The following NTM variants were observed in gnomAD, a reference collection of about 807,000 sequenced individuals.
NTM encodes the protein neurotrimin.
In NTM, 13 loss-of-function variants were observed where a neutral mutation model predicts 42.1. The ratio of observed to expected loss-of-function variants is 0.31; its 90% CI spans 0.20 to 0.49. The LOEUF (loss-of-function observed/expected upper bound fraction) is 0.49. NTM is among the 20% of genes least tolerant of loss of function. The pLI is 0.99. For missense variants in NTM, 373 were observed against 452.8 expected (o/e 0.82, Z 1.60); for synonymous variants, 187 against 179.2 (o/e 1.04, Z -0.35).
chr11:132,324,956 T>C (rs2095647669), intron 7 of NTM, among the ~76,000 whole-genome samples: 3 of 151,584 alleles, frequency 2.0e-5, no homozygotes, highest in South Asian at 4.2e-4. Context: ...CTGGGAAAAC[T>C]GGCTAGCCAT....
In NTM at chr11:131,929,511, T is replaced by TA. The variant is rs552201578; in HGVS notation, c.167+17863_167+17864insA. On this transcript the variant is annotated intron_variant, in intron 2 of 8. Transcript: ENST00000683400. The stretch of plus-strand genomic sequence containing the variant: ...TTGCCCTTATAAAAACTTTCCGTTT[T>TA]TTTTGTATACGGCAAAGGCTGTATT... Among the ~76,000 whole-genome samples, 6 of 152,144 alleles carry TA rather than the reference T, an allele frequency of 3.9e-5. No homozygotes were observed. The South Asian group carries it at 1.0e-3, about 26-fold the overall frequency.
intron 2 of NTM, among the ~76,000 whole-genome samples, chr11:132,104,873 T>A (rs2062096906): frequency 7.0e-6 from 1 of 143,350 alleles, no homozygotes; most frequent in Non-Finnish European, 1.5e-5. Context: ...GCACTGTAAT[T>A]ACTGTAATTA....
At chr11:131,785,146 A>G (rs970709481) in intron 1 of NTM, among the ~76,000 whole-genome samples, 22 of 152,138 alleles carry the variant, frequency 1.4e-4, no homozygotes, top group African/African-American at 5.3e-4. Context: ...TAGCCTTTGC[A>G]TGTATAATTT....
At chr11:132,030,922 G>C (rs1036446032) in intron 2 of NTM, among the ~76,000 whole-genome samples, 1 of 152,176 alleles carries the variant, frequency 6.6e-6, no homozygotes, top group African/African-American at 2.4e-5. Context: ...GAGGACTATA[G>C]ACTGAAAATT....
chr11:131,759,185 A>G (rs1422182557), intron 1 of NTM, among the ~76,000 whole-genome samples: 2 of 152,212 alleles, frequency 1.3e-5, no homozygotes, highest in African/African-American at 4.8e-5. Flanking sequence ...CATAGGCAGG[A>G]TTGGAGTCAC....
At chr11:132,007,191 C>G (rs954464166) in intron 2 of NTM, among the ~76,000 whole-genome samples, 2 of 152,240 alleles carry the variant, frequency 1.3e-5, no homozygotes. Flanking sequence ...ACCTACTTAT[C>G]CTGACTGTTA....
chr11:132,158,151 A>G (rs2073591720), intron 3 of NTM, among the ~76,000 whole-genome samples: 1 of 152,170 alleles, frequency 6.6e-6, no homozygotes, highest in Non-Finnish European at 1.5e-5. Context: ...GTGGCCTAAA[A>G]GGTCTTCCTT....
At chr11:131,640,538 C>T (rs1420421402) in intron 1 of NTM, among the ~76,000 whole-genome samples, 1 of 152,092 alleles carries the variant, frequency 6.6e-6, no homozygotes, top group Non-Finnish European at 1.5e-5. Context: ...CTGGCTCTAC[C>T]CTACTGCTTA....
chr11:131,813,792 A>C (rs548641061), intron 1 of NTM, among the ~76,000 whole-genome samples: 2 of 152,268 alleles, frequency 1.3e-5, no homozygotes, highest in South Asian at 2.1e-4. Context: ...AGTGGTTAGG[A>C]CCAGAACCTC....
At chr11:132,083,537 G>A (rs1244912761) in intron 2 of NTM, among the ~76,000 whole-genome samples, 1 of 152,126 alleles carries the variant, frequency 6.6e-6, no homozygotes, top group Non-Finnish European at 1.5e-5. Context: ...CTCTCTTCTT[G>A]AAGTCACAAG....
chr11:132,157,092 G>A (rs897010463), intron 3 of NTM, among the ~76,000 whole-genome samples: 1 of 152,196 alleles, frequency 6.6e-6, no homozygotes, highest in African/African-American at 2.4e-5. Context: ...TCAGCCTAGT[G>A]AGAGTCATTT....
intron 2 of NTM, among the ~76,000 whole-genome samples, chr11:131,921,559 A>G (rs1324997370): frequency 2.0e-5 from 3 of 152,206 alleles, no homozygotes; most frequent in African/African-American, 7.2e-5. Flanking sequence ...TTGATACTAT[A>G]TTATGACAGC....
chr11:132,136,281 T>C (rs994106996), intron 2 of NTM, among the ~76,000 whole-genome samples: 2 of 152,214 alleles, frequency 1.3e-5, no homozygotes, highest in African/African-American at 4.8e-5. Flanking sequence ...TCCACTCACC[T>C]ACTGTGCCTC....
At chr11:131,670,919 G>T (rs2070087351) in intron 1 of NTM, among the ~76,000 whole-genome samples, 1 of 152,090 alleles carries the variant, frequency 6.6e-6, no homozygotes, top group African/African-American at 2.4e-5. Context: ...AAAGGCCTGG[G>T]GCCCAGGAGG....
chr11:131,715,251 C>T (rs1028106463), intron 1 of NTM, among the ~76,000 whole-genome samples: 3 of 152,184 alleles, frequency 2.0e-5, no homozygotes, highest in Non-Finnish European at 2.9e-5. Flanking sequence ...TACAGAATTA[C>T]TATTCCTATT....
At chr11:131,812,812 T>G (rs886408215) in intron 1 of NTM, among the ~76,000 whole-genome samples, 3 of 152,088 alleles carry the variant, frequency 2.0e-5, no homozygotes, top group Non-Finnish European at 2.9e-5. Flanking sequence ...ACGGTGCCCA[T>G]GTCTCCACAG....
chr11:132,145,881 G>A (rs1364780986), intron 2 of NTM, among the ~76,000 whole-genome samples: 1 of 152,150 alleles, frequency 6.6e-6, no homozygotes, highest in African/African-American at 2.4e-5. Context: ...ATTCTTCATA[G>A]GGTTATTATA....
At chr11:132,014,390 C>T (rs1940588) in intron 2 of NTM, among the ~76,000 whole-genome samples, 74,839 of 151,844 alleles carry the variant, frequency 0.49, 19,458 homozygotes, top group East Asian at 0.81. Context: ...CTGGCTTTTT[C>T]TCCTTTGAAT....
chr11:131,699,706 G>A (rs2075860487), intron 1 of NTM, among the ~76,000 whole-genome samples: 1 of 152,072 alleles, frequency 6.6e-6, no homozygotes, highest in South Asian at 2.1e-4. Flanking sequence ...ATGAAGGCAG[G>A]AAAGAGAAGT....
Sources: allele counts gnomAD v4.1 joint callset (sites outside exome capture counted in the v4.1 genomes callset), GRCh38; gene constraint gnomAD v4.1.1; transcripts MANE v1.5; gene names NCBI Gene and HGNC (gene_info 2026-07-23, HGNC 2026-07-21).